Variants in TXNRD1 observed in about 807,000 individuals in gnomAD.
TXNRD1 encodes thioredoxin reductase 1, cytoplasmic.
Under a neutral mutation model 80.3 loss-of-function variants are expected in TXNRD1, and 57 were observed. The ratio of observed to expected loss-of-function variants is 0.71; its 90% CI spans 0.57 to 0.89. The LOEUF is 0.89. Ranked by LOEUF, TXNRD1 falls within the 40% of genes least tolerant of loss-of-function variation. TXNRD1 has a pLI of 0.00. For missense variants in TXNRD1, 730 were observed against 803.0 expected (o/e 0.91, Z 1.10); for synonymous variants, 291 against 285.2 (o/e 1.02, Z -0.20).
chr12:104,304,381 C>A (rs1475883980), intron 4 of TXNRD1: 1 of 1,613,872 alleles, frequency 6.2e-7, no homozygotes, highest in Non-Finnish European at 8.5e-7. Context: ...TAGCTCTTTC[C>A]TTCTGGAAGG....
At position 104,257,951 on chromosome 12, in the gene TXNRD1, A is replaced by T. The variant is rs909332752; in HGVS notation, c.244-68A>T. ...TTGAGGAAGGAAGTAACAAAGCTGG[A>T]TAAGAGATTCTCTTGTTGGTTATAA... On this transcript the variant is annotated intron_variant, in intron 2 of 16. Transcript: ENST00000525566. 8 of 1,236,752 alleles carry T rather than the reference A, an allele frequency of 6.5e-6. No homozygotes were observed. The Admixed American group carries it at 7.2e-5, about 11-fold the overall frequency. 76.6% of individuals were successfully genotyped at this position (1,236,752 alleles called of 1,614,324 possible).
At chr12:104,325,570 T>G (rs374653035) in intron 11 of TXNRD1, 141 bp downstream of exon 11, 2 of 667,402 alleles carry the variant, frequency 3.0e-6, no homozygotes, top group South Asian at 3.7e-5. Context: ...CAATAACTTA[T>G]GATATTAAAA....
chr12:104,243,279 G>GT (rs1315285163), intron 1 of TXNRD1, among the ~76,000 whole-genome samples: 1 of 151,894 alleles, frequency 6.6e-6, no homozygotes, highest in Non-Finnish European at 1.5e-5. Flanking sequence ...TCTTCCTTCC[G>GT]TGTGTTTCCA....
chr12:104,224,960 A>G (rs936275141), intron 1 of TXNRD1: 39 of 455,056 alleles, frequency 8.6e-5, no homozygotes, highest in Middle Eastern at 3.2e-4. Flanking sequence ...TGTATTTCCA[A>G]TGTCCCATAT....
At chr12:104,327,065 G>GT (rs1486026499) in intron 12 of TXNRD1, among the ~76,000 whole-genome samples, 1 of 152,038 alleles carries the variant, frequency 6.6e-6, no homozygotes, top group Non-Finnish European at 1.5e-5. Flanking sequence ...GCCTCCCAAA[G>GT]TGTTGGGATT....
chr12:104,287,309 T>C (rs374853838), intron 3 of TXNRD1: 2 of 1,613,884 alleles, frequency 1.2e-6, no homozygotes, highest in Non-Finnish European at 1.7e-6. Flanking sequence ...GCGTGTGCGG[T>C]TTCGACCCGG....
Position 104,304,319 on chromosome 12 carries a change from C to A in TXNRD1, c.415-6971C>A, listed in dbSNP as rs761583733. 6 of 1,613,966 alleles carry A rather than the reference C, an allele frequency of 3.7e-6. No individual in the cohort carries two copies. In the South Asian group the frequency reaches 6.6e-5, roughly 18 times the overall value. On this transcript the variant is annotated intron_variant, in intron 4 of 16. Coordinates refer to ENST00000525566, the MANE Select transcript of TXNRD1 (RefSeq NM_001093771.3). ...TGACTTTCTGTTTCTGTTCGTGGGT[C>A]TGAATTGGATGGAAGGCGATCCTGA... is the stretch of plus-strand genomic sequence containing the variant.
chr12:104,329,737 A>G (rs573643074), intron 13 of TXNRD1, among the ~76,000 whole-genome samples: 1 of 152,290 alleles, frequency 6.6e-6, no homozygotes, highest in Admixed American at 6.5e-5. Flanking sequence ...TAATCTAGGA[A>G]GACCTCTACA....
chr12:104,339,785 C>G (rs1050377823), intron 16 of TXNRD1, among the ~76,000 whole-genome samples: 1 of 152,190 alleles, frequency 6.6e-6, no homozygotes, highest in African/African-American at 2.4e-5. Flanking sequence ...TAATACTTAA[C>G]TGCATAGGAA....
Position 104,321,143 on chromosome 12 carries a change from G to A in TXNRD1, c.1042G>A (p.Ala348Thr). ...CCCGGGTAAGACCCTGGTTGTTGGA[G>A]CATCCTATGTCGCTTTGGAGTGCGC... ...YCPGKTLVVG[A>T]SYVALECAGF... is the part of the protein sequence containing the mutation. Residue 348 changes from alanine (A) to threonine (T), a missense_variant, in exon 10 of 17, where the codon GCA becomes ACA. Ala to Thr is a moderately conservative substitution (Grantham distance 58). Transcript: ENST00000525566. 1 of 1,612,664 alleles carries A rather than the reference G, an allele frequency of 6.2e-7. No individual in the cohort carries two copies. The highest frequency in any genetic ancestry group is 1.7e-5 in the Admixed American group (1 of 59,854).
At chr12:104,305,486 G>A (rs12301474) in intron 4 of TXNRD1, among the ~76,000 whole-genome samples, 2,953 of 152,294 alleles carry the variant, frequency 0.019, 105 homozygotes, top group African/African-American at 0.067. Flanking sequence ...ATTGTACTCA[G>A]CAAAAGTAGT....
intron 7 of TXNRD1, among the ~76,000 whole-genome samples, chr12:104,316,858 G>A (rs1430644541): frequency 6.6e-6 from 1 of 152,130 alleles, no homozygotes; most frequent in Non-Finnish European, 1.5e-5. Context: ...GCATTTGAGG[G>A]AAAATATTCC....
intron 3 of TXNRD1, among the ~76,000 whole-genome samples, chr12:104,266,706 G>C (rs531322892): frequency 1.3e-5 from 2 of 152,104 alleles, no homozygotes; most frequent in South Asian, 4.2e-4. Context: ...GCTCACGCCT[G>C]TACTCCTAGC....
At chr12:104,287,183 G>C in intron 3 of TXNRD1, 1 of 1,575,240 alleles carries the variant, frequency 6.3e-7, no homozygotes, top group South Asian at 1.1e-5. Context: ...ACGGCCTGCC[G>C]GCGGGGACGA....
Position 104,256,971 on chromosome 12 carries a change from C to CT in TXNRD1, c.244-1044dup, listed in dbSNP as rs1437158062. Among the ~76,000 whole-genome samples the CT allele has an allele frequency of 5.7e-3, 510 of 89,880 alleles. 24 individuals carry two copies. The highest frequency in any genetic ancestry group is 7.6e-3 in the East Asian group (22 of 2,884). 59.0% of individuals were successfully genotyped at this position (89,880 alleles called of 152,430 possible). A position where few individuals can be genotyped will look rare whatever the true frequency, so the allele number is the denominator to read the frequency against. On this transcript the variant is annotated intron_variant, in intron 2 of 16. Transcript: ENST00000525566. ...TTAGAATGAGATGAGAATATATTTT[C>CT]TTTTCTTTTTTTTTTTTTTTCAAGA...
At chr12:104,342,619 G>T (rs1471178820) in intron 16 of TXNRD1, among the ~76,000 whole-genome samples, 2 of 151,458 alleles carry the variant, frequency 1.3e-5, no homozygotes, top group African/African-American at 4.9e-5. Flanking sequence ...CTCAATATTG[G>T]CATAGCTTAA....
At chr12:104,315,984 T>C in intron 7 of TXNRD1, 88 bp downstream of exon 7, 1 of 1,403,164 alleles carries the variant, frequency 7.1e-7, no homozygotes. Context: ...TTCATGAAGA[T>C]AGCAAATAGC....
chr12:104,225,293 G>A (rs112688290), intron 1 of TXNRD1, among the ~76,000 whole-genome samples: 2,073 of 152,334 alleles, frequency 0.014, 35 homozygotes, highest in South Asian at 0.073. Context: ...GTGAGGCCCA[G>A]AGAGGTAACA....
At chr12:104,287,328 A>T (rs2034005057) in intron 3 of TXNRD1, 1 of 1,613,962 alleles carries the variant, frequency 6.2e-7, no homozygotes. Context: ...GGTCACACAA[A>T]GCTTCAGCAT....
Sources: allele counts gnomAD v4.1 joint callset (sites outside exome capture counted in the v4.1 genomes callset), GRCh38; gene constraint gnomAD v4.1.1; transcripts MANE v1.5; gene names NCBI Gene and HGNC (gene_info 2026-07-23, HGNC 2026-07-21).